The following MSRA variants were observed in gnomAD, a reference collection of about 807,000 sequenced individuals.
MSRA encodes mitochondrial peptide methionine sulfoxide reductase.
MSRA carries 54 observed loss-of-function variants against 31.3 expected under a neutral mutation model. The ratio of observed to expected loss-of-function variants is 1.73; its 90% CI spans 1.39 to 2.17. MSRA has a LOEUF of 2.17. Ranked by LOEUF, MSRA falls within the 30% of genes most tolerant of loss-of-function variation. The pLI, the probability that MSRA is intolerant of heterozygous loss-of-function variation, is 0.00. For synonymous variants in MSRA, 169 were observed against 116.5 expected, an observed-to-expected ratio of 1.45 and a Z score of -2.90; for missense variants, 507 against 300.9, an observed-to-expected ratio of 1.69 and a Z score of -5.07.
chr8:10,424,661 G>A (rs1263489942), intron 5 of MSRA, among the ~76,000 whole-genome samples: 1 of 151,516 alleles, frequency 6.6e-6, no homozygotes, highest in Non-Finnish European at 1.5e-5. Context: ...TAAACTGGAC[G>A]GGGAGAAGGG....
At chr8:10,185,403 A>T (rs1349583459) in intron 1 of MSRA, among the ~76,000 whole-genome samples, 1 of 152,178 alleles carries the variant, frequency 6.6e-6, no homozygotes, top group Non-Finnish European at 1.5e-5. Flanking sequence ...GCAAATAGGC[A>T]AAACGATCTG....
At chr8:10,283,397 G>A (rs1016977461) in intron 3 of MSRA, among the ~76,000 whole-genome samples, 2 of 152,044 alleles carry the variant, frequency 1.3e-5, no homozygotes, top group Non-Finnish European at 2.9e-5. Flanking sequence ...CAGTTAGGGT[G>A]AACTATAGAA....
chr8:10,090,911 C>T (rs1798819509), intron 1 of MSRA, among the ~76,000 whole-genome samples: 1 of 152,190 alleles, frequency 6.6e-6, no homozygotes, highest in Admixed American at 6.5e-5. Flanking sequence ...TGTAGCCCAA[C>T]AACATTGTAT....
intron 5 of MSRA, among the ~76,000 whole-genome samples, chr8:10,415,347 C>T (rs1208160844): frequency 1.3e-5 from 2 of 152,158 alleles, no homozygotes; most frequent in African/African-American, 4.8e-5. Context: ...GACGGCCACC[C>T]ACTTCCTCTG....
intron 3 of MSRA, among the ~76,000 whole-genome samples, chr8:10,283,972 G>T (rs939812754): frequency 6.6e-6 from 1 of 151,436 alleles, no homozygotes; most frequent in African/African-American, 2.4e-5. Flanking sequence ...GCATGTGCAA[G>T]TATCTTTTTT....
intron 1 of MSRA, among the ~76,000 whole-genome samples, chr8:10,108,636 G>T (rs1384317234): frequency 6.6e-6 from 1 of 152,134 alleles, no homozygotes; most frequent in Non-Finnish European, 1.5e-5. Flanking sequence ...TTTGCACGTA[G>T]AAACTTTGGC....
intron 1 of MSRA, among the ~76,000 whole-genome samples, chr8:10,173,117 C>A (rs1484160470): frequency 3.9e-5 from 6 of 152,332 alleles, no homozygotes; most frequent in Middle Eastern, 3.4e-3. Flanking sequence ...GGTCTTACAG[C>A]CCTTTTTCTG....
intron 5 of MSRA, among the ~76,000 whole-genome samples, chr8:10,383,099 A>T (rs1041594559): frequency 6.6e-6 from 1 of 152,202 alleles, no homozygotes; most frequent in Non-Finnish European, 1.5e-5. Flanking sequence ...TAAACATCTG[A>T]GGCTCAGGAT....
At chr8:10,057,768 C>G (rs188648649) in intron 1 of MSRA, among the ~76,000 whole-genome samples, 1 of 152,316 alleles carries the variant, frequency 6.6e-6, no homozygotes, top group African/African-American at 2.4e-5. Context: ...TGCCAGCTTC[C>G]TCTTCTGCCA....
At chr8:10,332,246 G>A (rs576726761) in intron 5 of MSRA, among the ~76,000 whole-genome samples, 16 of 152,304 alleles carry the variant, frequency 1.1e-4, no homozygotes, top group Non-Finnish European at 1.9e-4. Context: ...CACCAACACT[G>A]AAACATCATT....
chr8:10,069,993 G>C (rs1048404102), intron 1 of MSRA, among the ~76,000 whole-genome samples: 3 of 152,172 alleles, frequency 2.0e-5, no homozygotes, highest in Non-Finnish European at 4.4e-5. Flanking sequence ...TATGTATATG[G>C]TAAGTGCTTA....
At chr8:10,404,712 G>C (rs1333586028) in intron 5 of MSRA, among the ~76,000 whole-genome samples, 1 of 152,248 alleles carries the variant, frequency 6.6e-6, no homozygotes, top group Non-Finnish European at 1.5e-5. Flanking sequence ...GTGCCTTCTC[G>C]TGGCACCTGC....
chr8:10,340,339 G>A (rs1318003389), intron 5 of MSRA, among the ~76,000 whole-genome samples: 1 of 152,126 alleles, frequency 6.6e-6, no homozygotes, highest in African/African-American at 2.4e-5. Context: ...TCCACGTATG[G>A]TGGCAAGTCT....
At chr8:10,224,975 T>G (rs1233410106) in intron 2 of MSRA, among the ~76,000 whole-genome samples, 3 of 152,124 alleles carry the variant, frequency 2.0e-5, no homozygotes, top group African/African-American at 4.8e-5. Flanking sequence ...CCATCTCTAC[T>G]ATAAATACAA....
At chr8:10,382,705 G>A (rs373486724) in intron 5 of MSRA, among the ~76,000 whole-genome samples, 9 of 152,278 alleles carry the variant, frequency 5.9e-5, no homozygotes, top group South Asian at 2.1e-4. Flanking sequence ...CAAAGGACTC[G>A]AATGGGCTAA....
intron 3 of MSRA, among the ~76,000 whole-genome samples, chr8:10,283,834 TATACACAC>T (rs1223037743): frequency 4.2e-4 from 30 of 71,074 alleles, no homozygotes; most frequent in South Asian, 2.8e-3. Flanking sequence ...TATATATATA[TATACACAC>T]ACACACACAC....
chr8:10,370,745 C>T (rs916810362), intron 5 of MSRA, among the ~76,000 whole-genome samples: 3 of 152,236 alleles, frequency 2.0e-5, no homozygotes, highest in Admixed American at 6.5e-5. Flanking sequence ...AAGGAGGAAG[C>T]CCTGCTTTGT....
intron 1 of MSRA, among the ~76,000 whole-genome samples, chr8:10,168,635 A>G (rs879827933): frequency 2.0e-5 from 3 of 152,212 alleles, no homozygotes; most frequent in Non-Finnish European, 2.9e-5. Flanking sequence ...AGCTCAGAGA[A>G]GGGAAGCAAC....
At position 10,215,548 on chromosome 8, in the gene MSRA, C is replaced by G. The variant is rs574636037; in HGVS notation, c.211+7647C>G. Reference sequence around the variant, plus strand: ...AGGCTCTATGGGATCCATCACCTCTCCTTCATAACACCAGACGAGTCCCGT... The same window carrying G: ...AGGCTCTATGGGATCCATCACCTCTGCTTCATAACACCAGACGAGTCCCGT... On this transcript the variant is annotated intron_variant, in intron 2 of 5. Transcript: ENST00000317173. Among the ~76,000 whole-genome samples, 15 of 152,292 alleles carry G rather than the reference C, an allele frequency of 9.8e-5. No individual in the cohort carries two copies. In the South Asian group the frequency reaches 3.1e-3, roughly 32 times the overall value.
Sources: gnomAD v4.1 joint callset for allele counts (sites outside exome capture counted in the v4.1 genomes callset) on GRCh38, gnomAD v4.1.1 for gene constraint, MANE v1.5 for transcripts, NCBI Gene and HGNC (gene_info 2026-07-23, HGNC 2026-07-21) for gene names.